Variants in TRIM4 observed in about 807,000 individuals in gnomAD.
TRIM4 encodes the protein E3 ubiquitin-protein ligase TRIM4.
In TRIM4, 29 loss-of-function variants were observed where a neutral mutation model predicts 33.7. The ratio of observed to expected loss-of-function variants is 0.86; its 90% confidence interval spans 0.64 to 1.17. The LOEUF (loss-of-function observed/expected upper bound fraction) is 1.17, where lower values mean the gene tolerates loss of function less well. Ranked by LOEUF, TRIM4 falls within the 50% of genes most tolerant of loss-of-function variation. The pLI, the probability that TRIM4 is intolerant of heterozygous loss-of-function variation, is 0.00. For missense variants in TRIM4, 554 were observed against 593.7 expected (o/e 0.93, Z 0.69); for synonymous variants, 224 against 233.0 (o/e 0.96, Z 0.35).
At chr7:99,918,379 C>A (rs536180667) in intron 1 of TRIM4, among the ~76,000 whole-genome samples, 1 of 152,268 alleles carries the variant, frequency 6.6e-6, no homozygotes, top group African/African-American at 2.4e-5. Flanking sequence ...CCAGCCTGGC[C>A]AAGATGGTGA....
chr7:99,898,480 G>A (rs1266490835), intron 5 of TRIM4, among the ~76,000 whole-genome samples: 2 of 152,238 alleles, frequency 1.3e-5, no homozygotes, highest in Admixed American at 1.3e-4. Context: ...GCTACAGGTA[G>A]ACGGCAACCA....
intron 5 of TRIM4, among the ~76,000 whole-genome samples, chr7:99,898,614 C>T (rs1819080090): frequency 6.6e-6 from 1 of 152,190 alleles, no homozygotes; most frequent in Non-Finnish European, 1.5e-5. Context: ...AAAAGCCAGG[C>T]ACTTCCAGAA....
rs1187524026 is a variant in TRIM4, at chr7:99,908,635, G to A, written c.667C>T (p.Leu223Phe). The change falls in exon 3 of 6, where the codon CTC becomes TTC. Residue 223 changes from leucine (L) to phenylalanine (F), a missense_variant. Physicochemically the swap from Leu to Phe is conservative, Grantham distance 22. Coordinates refer to ENST00000349062, the MANE Select transcript of TRIM4 (RefSeq NM_033091.3). ...LNQTIASLKK[L>F]ILEVGEKSQA... is the part of the protein sequence containing the mutation. The stretch of plus-strand genomic sequence containing the variant: ...CTCTTCTCCCCCACCTCTAAGATGA[G>A]CTTCTTCAATGAAGCGATAGTTTGA... 3.1e-6 allele frequency: 5 copies of A among 1,614,062 alleles called. 1 individual carries two copies. In the South Asian group the frequency reaches 5.5e-5, roughly 18 times the overall value.
In TRIM4 at chr7:99,919,067, G is replaced by A; in HGVS notation, c.335C>T (p.Ser112Phe). 1.9e-6 allele frequency: 3 copies of A among 1,574,352 alleles called. No individual in the cohort carries two copies. The highest frequency in any genetic ancestry group is 2.3e-5 in the South Asian group (2 of 86,020). The part of the protein sequence containing the change: ...QRPVCLVCRE[S>F]QEHQTHAMAP... ...CATGGCGTGAGTCTGGTGCTCCTGG[G>A]ACTCCCTGCACACCAGGCACACTGG... The change falls in exon 1 of 6, where the codon TCC becomes TTC. Residue 112 changes from serine to phenylalanine, a missense_variant. Physicochemically the swap from Ser to Phe is radical, Grantham distance 155. Coordinates refer to ENST00000349062, the MANE Select transcript of TRIM4 (RefSeq NM_033091.3).
At chr7:99,912,218 G>A (rs1584271797) in intron 1 of TRIM4, among the ~76,000 whole-genome samples, 1 of 152,140 alleles carries the variant, frequency 6.6e-6, no homozygotes, top group African/African-American at 2.4e-5. Context: ...TGTTTTTCAT[G>A]GTATTAAATT....
At chr7:99,904,581 AAC>A (rs1424864300) in intron 3 of TRIM4, among the ~76,000 whole-genome samples, 14 of 152,246 alleles carry the variant, frequency 9.2e-5, no homozygotes, top group African/African-American at 3.4e-4. Context: ...GAACTATATT[AAC>A]ACTAGATGTT....
chr7:99,892,533 C>T lies in TRIM4; in HGVS notation c.1055G>A (p.Gly352Glu). ...CVLGKNVFTSGKHYWEVESRD... is the reference protein window; with the variant it reads ...CVLGKNVFTSEKHYWEVESRD... ...ACTCTCAACTTCCCAGTAATGTTTC[C>T]CTGAGGTGAAAACGTTTTTTCCCAG... The change falls in exon 6 of 6, where the codon GGG becomes GAG. Residue 352 changes from glycine to glutamate, a missense_variant. By Grantham distance (98) the Gly-to-Glu change is moderately conservative. Around this residue, in one of 3 missense-constraint regions of TRIM4, gnomAD observed 290 missense variants for 335.8 expected, o/e 0.86. Coordinates refer to ENST00000349062, the MANE Select transcript of TRIM4 (RefSeq NM_033091.3). 1 of 1,614,222 alleles carries T rather than the reference C, an allele frequency of 6.2e-7. No homozygotes were observed. The highest frequency in any genetic ancestry group is 8.5e-7 in the Non-Finnish European group (1 of 1,180,044).
chr7:99,897,477 A>C (rs1432903990), intron 5 of TRIM4, among the ~76,000 whole-genome samples: 1 of 152,188 alleles, frequency 6.6e-6, no homozygotes, highest in Admixed American at 6.5e-5. Flanking sequence ...GGTGATGAAT[A>C]TGCTAATTAC....
At position 99,893,352 on chromosome 7, in the gene TRIM4, G is replaced by T. The variant is rs866062427; in HGVS notation, c.842-606C>A. 3.0e-5 allele frequency among the ~76,000 whole-genome samples: 3 copies of T among 101,478 alleles called. No homozygotes were observed. In the South Asian group the frequency reaches 8.3e-4, roughly 28 times the overall value. 66.6% of individuals were successfully genotyped at this position (101,478 alleles called of 152,430 possible). On this transcript the variant is annotated intron_variant, in intron 5 of 5. Coordinates refer to ENST00000349062, the MANE Select transcript of TRIM4 (RefSeq NM_033091.3). The stretch of plus-strand genomic sequence containing the variant: ...TCACAAACAGCCTAAAATTTGGAGA[G>T]ATATTAACAAATTCTCACGTTGAAT...
At chr7:99,895,796 A>C (rs952627413) in intron 5 of TRIM4, among the ~76,000 whole-genome samples, 12 of 152,188 alleles carry the variant, frequency 7.9e-5, no homozygotes, top group Non-Finnish European at 1.2e-4. Context: ...AACATTCTTT[A>C]TCTCTGGTAA....
intron 1 of TRIM4, among the ~76,000 whole-genome samples, chr7:99,910,001 G>A (rs977110277): frequency 6.6e-6 from 1 of 151,832 alleles, no homozygotes; most frequent in Non-Finnish European, 1.5e-5. Context: ...CAAAGTGCTG[G>A]GATTACAGCC....
At chr7:99,909,435 G>A in intron 2 of TRIM4, 130 bp downstream of exon 2, 3 of 659,762 alleles carry the variant, frequency 4.5e-6, no homozygotes, top group South Asian at 2.1e-5. Context: ...GGAGGAAACA[G>A]AGGTTCTGAG....
intron 1 of TRIM4, among the ~76,000 whole-genome samples, chr7:99,912,090 T>C (rs551216229): frequency 6.6e-6 from 1 of 151,974 alleles, no homozygotes; most frequent in South Asian, 2.1e-4. Context: ...GTTGCCCTGG[T>C]AGGGGAAGGG....
At chr7:99,910,106 C>T (rs1407349936) in intron 1 of TRIM4, among the ~76,000 whole-genome samples, 1 of 152,176 alleles carries the variant, frequency 6.6e-6, no homozygotes, top group Non-Finnish European at 1.5e-5. Context: ...AAGACGGTCA[C>T]AGGCCTATGA....
At chr7:99,908,395 AC>A in intron 3 of TRIM4, 186 bp downstream of exon 3, 1 of 570,002 alleles carries the variant, frequency 1.8e-6, no homozygotes, top group Admixed American at 3.0e-5. Context: ...AGCTCAGCAT[AC>A]CTACATTTCA....
At chr7:99,913,406 C>T (rs1374471452) in intron 1 of TRIM4, among the ~76,000 whole-genome samples, 3 of 152,192 alleles carry the variant, frequency 2.0e-5, no homozygotes, top group African/African-American at 7.2e-5. Context: ...CGGTGGCTCA[C>T]GCCTGTAATC....
intron 1 of TRIM4, among the ~76,000 whole-genome samples, chr7:99,914,576 C>A (rs554342049): frequency 6.6e-6 from 1 of 152,162 alleles, no homozygotes; most frequent in African/African-American, 2.4e-5. Context: ...ATAAGCTGAC[C>A]GCTGCCTACA....
At chr7:99,904,884 T>C (rs546152143) in intron 3 of TRIM4, among the ~76,000 whole-genome samples, 1 of 151,996 alleles carries the variant, frequency 6.6e-6, no homozygotes, top group South Asian at 2.1e-4. Context: ...CTACAAAAAT[T>C]AGACAGGCAT....
At chr7:99,894,661 C>A (rs1818975237) in intron 5 of TRIM4, among the ~76,000 whole-genome samples, 1 of 148,442 alleles carries the variant, frequency 6.7e-6, no homozygotes, top group Non-Finnish European at 1.5e-5. Context: ...ACCAAGACTC[C>A]ATCCCCCCCC....
Sources: allele counts gnomAD v4.1 joint callset (sites outside exome capture counted in the v4.1 genomes callset), GRCh38; gene constraint gnomAD v4.1.1; regional missense constraint gnomAD v4.1.1; transcripts MANE v1.5; gene names NCBI Gene and HGNC (gene_info 2026-07-23, HGNC 2026-07-21).